Variants in ASTN2 observed in about 807,000 individuals in gnomAD.
ASTN2 encodes the protein astrotactin 2, also known as astrotactin-2.
ASTN2 carries 54 observed loss-of-function variants against 139.8 expected under a neutral mutation model. The ratio of observed to expected loss-of-function variants is 0.39; its 90% CI spans 0.31 to 0.48. ASTN2 has a LOEUF of 0.48. ASTN2 is among the 20% of genes least tolerant of loss of function. The probability of loss-of-function intolerance (pLI) is 0.95; values close to 1 mark genes in which losing one functional copy is unlikely to be tolerated. For missense variants in ASTN2, 1,565 were observed against 1,725.1 expected (o/e 0.91, Z 1.64); for synonymous variants, 756 against 719.5 (o/e 1.05, Z -0.81).
chr9:116,608,524 A>T (rs973180581), intron 19 of ASTN2, among the ~76,000 whole-genome samples: 1 of 152,112 alleles, frequency 6.6e-6, no homozygotes, highest in Non-Finnish European at 1.5e-5. Flanking sequence ...TAAAGGAATC[A>T]AATTGTTTCT....
intron 10 of ASTN2, among the ~76,000 whole-genome samples, chr9:116,930,275 G>T (rs1487450813): frequency 6.6e-6 from 1 of 152,148 alleles, no homozygotes; most frequent in Non-Finnish European, 1.5e-5. Flanking sequence ...GAAGGTGATG[G>T]ATATAAGGAG....
rs528704927 is a variant in ASTN2 at position 117,018,183 on chromosome 9, G to C, written c.1424-9924C>G. 2.0e-5 allele frequency among the ~76,000 whole-genome samples: 3 copies of C among 152,228 alleles called. No homozygotes were observed. In the South Asian group the frequency reaches 6.2e-4, roughly 32 times the overall value. On this transcript the variant is annotated intron_variant, in intron 6 of 22. Coordinates refer to ENST00000313400, the MANE Select transcript of ASTN2 (RefSeq NM_001365068.1). ...ATATTAGGTGCAATACCTTTGGAAT[G>C]AAAATTTATGGTAAGACATGAATAG...
rs115704874 is a variant in ASTN2 at position 116,853,570 on chromosome 9, C to A, written c.2040+10013G>T. 4.9e-3 allele frequency among the ~76,000 whole-genome samples: 749 copies of A among 152,232 alleles called. 6 individuals are homozygous for A. The highest frequency in any genetic ancestry group is 0.017 in the African/African-American group (723 of 41,544). On this transcript the variant is annotated intron_variant, in intron 11 of 22. Coordinates refer to ENST00000313400, the MANE Select transcript of ASTN2 (RefSeq NM_001365068.1). ...CTGCATTGCCTCTTGTATCTGGACC[C>A]TCTCTCACAGACACAGTGCACACCT...
chr9:116,923,755 A>C (rs1834677270), intron 10 of ASTN2, among the ~76,000 whole-genome samples: 2 of 152,230 alleles, frequency 1.3e-5, no homozygotes, highest in South Asian at 4.1e-4. Flanking sequence ...CTTGGAAGAA[A>C]GCTCAGCAGA....
chr9:116,528,307 T>G (rs543102156), intron 19 of ASTN2, among the ~76,000 whole-genome samples: 1 of 152,310 alleles, frequency 6.6e-6, no homozygotes, highest in African/African-American at 2.4e-5. Flanking sequence ...ATTTTTCCCC[T>G]GCCCTAGAGA....
At chr9:117,076,563 T>C (rs766271660) in intron 5 of ASTN2, among the ~76,000 whole-genome samples, 2 of 152,074 alleles carry the variant, frequency 1.3e-5, no homozygotes, top group Non-Finnish European at 2.9e-5. Flanking sequence ...CAGACGTGTG[T>C]GGTAGAAAGG....
chr9:116,773,359 A>G (rs901702266), intron 13 of ASTN2, among the ~76,000 whole-genome samples: 1 of 152,164 alleles, frequency 6.6e-6, no homozygotes, highest in African/African-American at 2.4e-5. Context: ...CTCTTTTCAT[A>G]AAGTTTATAT....
At chr9:117,287,331 C>T (rs1428849763) in intron 2 of ASTN2, among the ~76,000 whole-genome samples, 3 of 152,190 alleles carry the variant, frequency 2.0e-5, no homozygotes, top group Non-Finnish European at 2.9e-5. Flanking sequence ...CATAAACCCT[C>T]ATAAAATACC....
intron 19 of ASTN2, among the ~76,000 whole-genome samples, chr9:116,512,146 A>G (rs1299498009): frequency 6.6e-6 from 1 of 152,210 alleles, no homozygotes. Context: ...ATTTAGTGCT[A>G]TAAATCTCCC....
chr9:116,773,222 C>A (rs1564259111), intron 13 of ASTN2, among the ~76,000 whole-genome samples: 1 of 152,088 alleles, frequency 6.6e-6, no homozygotes, highest in Non-Finnish European at 1.5e-5. Flanking sequence ...TAGCCTTTAG[C>A]ACATGCTTGA....
chr9:117,250,133 C>T (rs1411551545), intron 2 of ASTN2, among the ~76,000 whole-genome samples: 1 of 152,204 alleles, frequency 6.6e-6, no homozygotes, highest in Non-Finnish European at 1.5e-5. Context: ...CATTTCAACA[C>T]ACACACCCAC....
intron 2 of ASTN2, among the ~76,000 whole-genome samples, chr9:117,278,482 G>C (rs1190330940): frequency 6.6e-6 from 1 of 152,152 alleles, no homozygotes; most frequent in Admixed American, 6.5e-5. Flanking sequence ...AAGGAGGTGA[G>C]CAGAGAAAAA....
At chr9:117,291,194 C>T in intron 2 of ASTN2, 132 bp downstream of exon 2, 1 of 1,176,022 alleles carries the variant, frequency 8.5e-7, no homozygotes, top group Non-Finnish European at 1.2e-6. Context: ...ATCTGATTTT[C>T]TGTTTCTCAT....
chr9:116,929,560 C>T (rs566746797), intron 10 of ASTN2, among the ~76,000 whole-genome samples: 6 of 152,258 alleles, frequency 3.9e-5, no homozygotes, highest in Admixed American at 6.5e-5. Context: ...ATATTTTGCA[C>T]GTATCTCTCC....
chr9:116,651,055 TAC>T (rs955029044), intron 17 of ASTN2, among the ~76,000 whole-genome samples: 2 of 151,532 alleles, frequency 1.3e-5, no homozygotes, highest in Non-Finnish European at 2.9e-5. Flanking sequence ...TAGCTGCGAT[TAC>T]AGATGCCTGC....
intron 4 of ASTN2, among the ~76,000 whole-genome samples, chr9:117,112,511 G>C (rs1375471775): frequency 2.0e-5 from 3 of 152,042 alleles, no homozygotes; most frequent in Non-Finnish European, 2.9e-5. Context: ...AGTTGTCAAA[G>C]GAACGTCTTT....
At chr9:116,921,046 G>T (rs1382450210) in intron 10 of ASTN2, among the ~76,000 whole-genome samples, 3 of 152,216 alleles carry the variant, frequency 2.0e-5, no homozygotes, top group African/African-American at 7.2e-5. Context: ...GGCCACATCT[G>T]CTTCTGGGGA....
chr9:116,792,190 G>T (rs575011025), intron 13 of ASTN2, among the ~76,000 whole-genome samples: 2 of 151,922 alleles, frequency 1.3e-5, no homozygotes, highest in Non-Finnish European at 2.9e-5. Flanking sequence ...TAATAATAAA[G>T]AACATCTTTC....
At chr9:116,895,668 T>C (rs1249304395) in intron 10 of ASTN2, among the ~76,000 whole-genome samples, 2 of 152,198 alleles carry the variant, frequency 1.3e-5, no homozygotes, top group East Asian at 3.8e-4. Flanking sequence ...GAAGACTGTA[T>C]TGATTTTCTG....
Sources: allele counts gnomAD v4.1 joint callset (sites outside exome capture counted in the v4.1 genomes callset), GRCh38; gene constraint gnomAD v4.1.1; transcripts MANE v1.5; gene names NCBI Gene and HGNC (gene_info 2026-07-23, HGNC 2026-07-21).